LTBP1: variants seen among roughly 807,000 people sequenced by gnomAD.
LTBP1 encodes latent transforming growth factor beta binding protein 1, also known as latent-transforming growth factor beta-binding protein 1.
Under a neutral mutation model 207.6 loss-of-function variants are expected in LTBP1, and 129 were observed. The observed-to-expected ratio is 0.62, with a 90% CI of 0.54 to 0.72. The LOEUF is 0.72. Ranked by LOEUF, LTBP1 falls within the 30% of genes least tolerant of loss-of-function variation. The pLI is 0.00. For missense variants in LTBP1, 2,281 were observed against 2,217.2 expected (o/e 1.03, Z -0.58); for synonymous variants, 963 against 833.7 (o/e 1.16, Z -2.67).
chr2:33,339,161 ATAT>A (rs2094587017), intron 24 of LTBP1, among the ~76,000 whole-genome samples: 1 of 152,008 alleles, frequency 6.6e-6, no homozygotes, highest in African/African-American at 2.4e-5. Flanking sequence ...GTGAAGGGTG[ATAT>A]TAAGATTTCT....
At chr2:32,998,815 A>G (rs1685682760) in intron 2 of LTBP1, among the ~76,000 whole-genome samples, 1 of 152,174 alleles carries the variant, frequency 6.6e-6, no homozygotes, top group South Asian at 2.1e-4. Context: ...GGGATCCCTC[A>G]CCAGAACCTG....
chr2:33,117,071 C>T (rs1278911918), intron 4 of LTBP1, among the ~76,000 whole-genome samples: 1 of 152,160 alleles, frequency 6.6e-6, no homozygotes, highest in East Asian at 1.9e-4. Context: ...AATCTGGCAC[C>T]TCCATTTGCA....
chr2:33,218,447 A>G (rs1002802859), intron 8 of LTBP1, among the ~76,000 whole-genome samples: 1 of 152,056 alleles, frequency 6.6e-6, no homozygotes. Flanking sequence ...CCCAGGCTGG[A>G]GCACAGTGGG....
At chr2:33,235,895 G>A (rs185871435) in intron 9 of LTBP1, among the ~76,000 whole-genome samples, 1 of 152,282 alleles carries the variant, frequency 6.6e-6, no homozygotes, top group African/African-American at 2.4e-5. Context: ...ACACACTGGG[G>A]CCTGTTGGGA....
At chr2:33,258,574 A>T (rs992054333) in intron 12 of LTBP1, among the ~76,000 whole-genome samples, 2 of 152,178 alleles carry the variant, frequency 1.3e-5, no homozygotes, top group African/African-American at 4.8e-5. Context: ...CAACAGTATT[A>T]ATCAGTTTGC....
chr2:33,010,205 TG>T (rs1687482056), intron 2 of LTBP1, among the ~76,000 whole-genome samples: 1 of 152,164 alleles, frequency 6.6e-6, no homozygotes, highest in Non-Finnish European at 1.5e-5. Flanking sequence ...TTTAGCAGCC[TG>T]GAGGCCACTG....
At chr2:33,080,043 T>A (rs980821693) in intron 3 of LTBP1, among the ~76,000 whole-genome samples, 1 of 152,178 alleles carries the variant, frequency 6.6e-6, no homozygotes, top group African/African-American at 2.4e-5. Flanking sequence ...TTTTGTTTTT[T>A]TGAGACAGAG....
At chr2:33,268,088 G>T (rs1335017032) in intron 15 of LTBP1, among the ~76,000 whole-genome samples, 1 of 152,188 alleles carries the variant, frequency 6.6e-6, no homozygotes, top group African/African-American at 2.4e-5. Flanking sequence ...TCCATAGGGG[G>T]AACAGTATAG....
At chr2:33,039,733 AT>A (rs759258475) in intron 3 of LTBP1, among the ~76,000 whole-genome samples, 2 of 151,518 alleles carry the variant, frequency 1.3e-5, no homozygotes, top group East Asian at 1.9e-4. Flanking sequence ...GGAATTAAAC[AT>A]TTTTTTTTAC....
At chr2:33,195,508 C>T (rs976227322) in intron 7 of LTBP1, among the ~76,000 whole-genome samples, 1 of 152,130 alleles carries the variant, frequency 6.6e-6, no homozygotes. Context: ...CAAGAGAACT[C>T]GAGTTAGAAG....
intron 9 of LTBP1, among the ~76,000 whole-genome samples, chr2:33,230,382 T>C (rs149277643): frequency 1.2e-4 from 18 of 152,290 alleles, no homozygotes; most frequent in Non-Finnish European, 2.2e-4. Context: ...TCCTCCTCTC[T>C]AGTGGTGCTG....
chr2:33,389,514 A>G (rs1191897178), intron 32 of LTBP1, among the ~76,000 whole-genome samples: 1 of 151,616 alleles, frequency 6.6e-6, no homozygotes, highest in Non-Finnish European at 1.5e-5. Context: ...CCACTGCATC[A>G]TTCGTGAGCC....
Position 33,309,566 on chromosome 2 carries a change from GC to G in LTBP1, c.3604+11del. 1.2e-6 allele frequency: 2 copies of G among 1,600,910 alleles called. No individual in the cohort carries two copies. Among genetic ancestry groups the G allele is most frequent in the South Asian group, 2.3e-5 (2 of 87,660 alleles). On this transcript the variant is annotated intron_variant, in intron 23 of 33. Coordinates refer to ENST00000404816, the MANE Select transcript of LTBP1 (RefSeq NM_206943.4). Reference sequence around the variant, plus strand: ...AATAAAACATGTCAAGGTATTTCTTGCTCTTTTTTCCCCAGTCATTATTTAC... The same window carrying G: ...AATAAAACATGTCAAGGTATTTCTTGTCTTTTTTCCCCAGTCATTATTTAC...
At chr2:33,324,803 G>A (rs1477582045) in intron 24 of LTBP1, among the ~76,000 whole-genome samples, 1 of 148,994 alleles carries the variant, frequency 6.7e-6, no homozygotes, top group Non-Finnish European at 1.5e-5. Flanking sequence ...CTGGGTTCAA[G>A]TGATTCTCCT....
chr2:33,216,674 G>C (rs2090728611), intron 7 of LTBP1, among the ~76,000 whole-genome samples: 1 of 152,194 alleles, frequency 6.6e-6, no homozygotes, highest in South Asian at 2.1e-4. Flanking sequence ...CAAAAATGTG[G>C]GGTGTGTTAG....
chr2:33,183,830 A>G (rs1017202559), intron 5 of LTBP1, among the ~76,000 whole-genome samples: 35 of 152,114 alleles, frequency 2.3e-4, no homozygotes, highest in African/African-American at 8.4e-4. Flanking sequence ...CTCTTTTCTT[A>G]CCCAAGACCT....
intron 5 of LTBP1, among the ~76,000 whole-genome samples, chr2:33,151,612 C>G (rs1038614947): frequency 6.6e-6 from 1 of 152,092 alleles, no homozygotes; most frequent in Non-Finnish European, 1.5e-5. Context: ...TCCCTTGCCC[C>G]ACTCCCACCC....
chr2:33,307,167 A>T (rs2094111472), intron 22 of LTBP1, among the ~76,000 whole-genome samples: 1 of 152,218 alleles, frequency 6.6e-6, no homozygotes. Context: ...ATGTGGAACA[A>T]TCGGAGTTCT....
chr2:33,011,728 C>T (rs1687696463), intron 2 of LTBP1, among the ~76,000 whole-genome samples: 1 of 152,002 alleles, frequency 6.6e-6, no homozygotes, highest in Admixed American at 6.6e-5. Flanking sequence ...TCCTGATTTA[C>T]AGGATGATGT....
Sources: allele counts gnomAD v4.1 joint callset (sites outside exome capture counted in the v4.1 genomes callset), GRCh38; gene constraint gnomAD v4.1.1; transcripts MANE v1.5; gene names NCBI Gene and HGNC (gene_info 2026-07-23, HGNC 2026-07-21).